PSD2: variants seen among roughly 807,000 people sequenced by gnomAD.
The protein encoded by PSD2 is pleckstrin and Sec7 domain containing 2, also known as PH and SEC7 domain-containing protein 2.
In PSD2, 38 loss-of-function variants were observed where a neutral mutation model predicts 69.8. The ratio of observed to expected loss-of-function variants is 0.54; its 90% CI spans 0.42 to 0.71. PSD2 has a LOEUF of 0.71. Among genes scored for constraint, PSD2 ranks in the 30% least tolerant of loss-of-function variants. The pLI is 0.00. For synonymous variants in PSD2, 412 were observed against 423.0 expected (o/e 0.97, Z 0.32); for missense variants, 943 against 1,014.5 (o/e 0.93, Z 0.96).
chr5:139,782,376 G>A, the PSD2 span, among the ~76,000 whole-genome samples: 25 of 151,718 alleles, frequency 1.6e-4, no homozygotes, highest in African/African-American at 2.7e-4. Context: ...TAGAGATGAC[G>A]TTTTGCCATG....
chr5:139,808,879 C>A (rs1381078255), intron 1 of PSD2, among the ~76,000 whole-genome samples: 1 of 152,242 alleles, frequency 6.6e-6, no homozygotes, highest in Non-Finnish European at 1.5e-5. Context: ...CCTCTCTTAA[C>A]TCCTCCTTGA....
chr5:139,804,857 C>G (rs1384935051), intron 1 of PSD2, among the ~76,000 whole-genome samples: 1 of 152,066 alleles, frequency 6.6e-6, no homozygotes, highest in East Asian at 1.9e-4. Flanking sequence ...CCAGTTCCCT[C>G]TGTGTGTGTG....
upstream of PSD2, among the ~76,000 whole-genome samples, chr5:139,793,141 C>T (rs1020877778): frequency 5.9e-5 from 9 of 152,052 alleles, no homozygotes; most frequent in African/African-American, 2.4e-5. Flanking sequence ...GGGGGTTTCA[C>T]TGTGTTGGCC....
intron 14 of PSD2, 133 bp downstream of exon 14, chr5:139,840,303 G>T: frequency 1.0e-6 from 1 of 1,003,800 alleles, no homozygotes; most frequent in Admixed American, 2.6e-5. Flanking sequence ...GGAGGGAACA[G>T]GGTCCCCTGA....
chr5:139,778,197 G>A, the PSD2 span, among the ~76,000 whole-genome samples: 12 of 152,352 alleles, frequency 7.9e-5, no homozygotes, highest in Admixed American at 7.2e-4. Context: ...ACAGTGCAGG[G>A]GGAAATGGGA....
At chr5:139,818,439 A>G (rs909478196) in intron 5 of PSD2, among the ~76,000 whole-genome samples, 1 of 152,054 alleles carries the variant, frequency 6.6e-6, no homozygotes, top group African/African-American at 2.4e-5. Context: ...CCAGTTCCTC[A>G]GGAGGCTTAG....
Position 139,809,636 on chromosome 5 carries a change from G to GTGGCCTTCCA in PSD2, c.203_212dup (p.Ser72ProfsTer51). 6.2e-7 allele frequency: 1 copy of GTGGCCTTCCA among 1,614,288 alleles called. No homozygotes were observed. The highest frequency in any genetic ancestry group is 8.5e-7 in the Non-Finnish European group (1 of 1,180,046). On this transcript the variant is annotated frameshift_variant, in exon 2 of 15. Transcript: ENST00000274710. LOFTEE classifies it high-confidence loss of function. ...TGAGGAACCCACGAAGGACCCAGAT[G>GTGGCCTTCCA]TGGCCTTCCATGGCCTCAGCCTTGG...
intron 7 of PSD2, among the ~76,000 whole-genome samples, chr5:139,825,209 A>C (rs1403012779): frequency 6.6e-6 from 1 of 152,318 alleles, no homozygotes; most frequent in Admixed American, 6.5e-5. Flanking sequence ...GTCCGGTCTA[A>C]GGGTCAGGGA....
intron 2 of PSD2, among the ~76,000 whole-genome samples, chr5:139,810,249 G>A (rs899125646): frequency 2.0e-5 from 3 of 152,206 alleles, no homozygotes; most frequent in African/African-American, 7.2e-5. Context: ...CTCACCTGCA[G>A]TAATCGTCAG....
rs964496590 is a variant in PSD2, at chr5:139,843,603, G to C, written c.*1129G>C. The C allele has an allele frequency of 6.6e-6, 1 of 152,242 alleles. No homozygotes were observed. The highest frequency in any genetic ancestry group is 1.5e-5 in the Non-Finnish European group (1 of 68,052). The allele number at this position is 152,242 out of a possible 1,614,324, so 9.4% of individuals were successfully genotyped here. A position where few individuals can be genotyped will look rare whatever the true frequency, so the allele number is the denominator to read the frequency against. ...AAGATGCTTGTCGGAGGACGGTTAT[G>C]GAAGCCCTTAATTCTTGGTTGTGGG... On this transcript the variant is annotated 3_prime_UTR_variant, in exon 15 of 15. Transcript: ENST00000274710.
intron 12 of PSD2, 63 bp from the exon 13 acceptor site, chr5:139,838,565 G>A (rs1031152491): frequency 5.6e-5 from 87 of 1,567,164 alleles, no homozygotes; most frequent in Non-Finnish European, 7.4e-5. Flanking sequence ...GGTACGGGAT[G>A]CTGAGTAGGG....
chr5:139,810,008 G>A (rs1014910791), intron 2 of PSD2, among the ~76,000 whole-genome samples, 197 bp downstream of exon 2: 1 of 152,084 alleles, frequency 6.6e-6, no homozygotes, highest in Non-Finnish European at 1.5e-5. Context: ...CCAGCAGATT[G>A]GGGGGCTGAA....
intron 5 of PSD2, among the ~76,000 whole-genome samples, chr5:139,818,322 A>G (rs2126945399): frequency 6.6e-6 from 1 of 152,324 alleles, no homozygotes; most frequent in South Asian, 2.1e-4. Context: ...AGGCTGGAAG[A>G]TTACCTGAGG....
chr5:139,744,641 T>G, the PSD2 span, among the ~76,000 whole-genome samples: 3 of 152,158 alleles, frequency 2.0e-5, no homozygotes, highest in African/African-American at 2.4e-5. Flanking sequence ...CCTCCCCATG[T>G]GTGTGTACAC....
the PSD2 span, among the ~76,000 whole-genome samples, chr5:139,786,709 G>A: frequency 6.6e-6 from 1 of 152,064 alleles, no homozygotes; most frequent in Non-Finnish European, 1.5e-5. Flanking sequence ...CTGGGCCGAT[G>A]AGACTGAGTC....
chr5:139,804,792 A>G (rs1759756985), intron 1 of PSD2, among the ~76,000 whole-genome samples: 1 of 152,138 alleles, frequency 6.6e-6, no homozygotes, highest in East Asian at 1.9e-4. Context: ...TAGGCCTGCC[A>G]GTGCCTTGTC....
At chr5:139,821,350 A>T (rs1760255248) in intron 5 of PSD2, among the ~76,000 whole-genome samples, 1 of 152,194 alleles carries the variant, frequency 6.6e-6, no homozygotes, top group South Asian at 2.1e-4. Context: ...TGGGCACATG[A>T]TGAAGGTGGT....
chr5:139,744,688 C>T, the PSD2 span, among the ~76,000 whole-genome samples: 4 of 152,330 alleles, frequency 2.6e-5, no homozygotes, highest in South Asian at 8.3e-4. Context: ...CTCCCCGCTC[C>T]TGCCCCAGAC....
chr5:139,836,676 T>C lies in PSD2; in HGVS notation c.1404-135T>C. ...GGATCTGTGGTCTGGAATTGGAATC[T>C]CTTCATCTCTGCCTCCTGGGGCTGC... is the stretch of plus-strand genomic sequence containing the variant. On this transcript the variant is annotated intron_variant, in intron 9 of 14. Coordinates refer to ENST00000274710, the MANE Select transcript of PSD2 (RefSeq NM_032289.4). 1.4e-5 allele frequency: 10 copies of C among 706,518 alleles called. No individual in the cohort carries two copies. In the South Asian group the frequency reaches 1.7e-4, roughly 12 times the overall value. The allele number at this position is 706,518 out of a possible 1,614,324, so 43.8% of individuals were successfully genotyped here. A position where few individuals can be genotyped will look rare whatever the true frequency, so the allele number is the denominator to read the frequency against.
Sources: gnomAD v4.1 joint callset for allele counts (sites outside exome capture counted in the v4.1 genomes callset) on GRCh38, gnomAD v4.1.1 for gene constraint, MANE v1.5 for transcripts, NCBI Gene and HGNC (gene_info 2026-07-23, HGNC 2026-07-21) for gene names.